CASD1: variants seen among roughly 807,000 people sequenced by gnomAD.
The protein encoded by CASD1 is N-acetylneuraminate (7)9-O-acetyltransferase.
In CASD1, 41 loss-of-function variants were observed where a neutral mutation model predicts 100.0. That is an observed-to-expected ratio of 0.41 (90% CI 0.32 to 0.53). The LOEUF (loss-of-function observed/expected upper bound fraction) is 0.53, where lower values mean the gene tolerates loss of function less well. Ranked by LOEUF, CASD1 falls within the 20% of genes least tolerant of loss-of-function variation. CASD1 has a pLI of 0.25. For synonymous variants in CASD1, 321 were observed against 315.6 expected (o/e 1.02, Z -0.18); for missense variants, 774 against 948.7 (o/e 0.82, Z 2.42).
chr7:94,611,429 G>A, the CASD1 span, among the ~76,000 whole-genome samples: 2 of 149,118 alleles, frequency 1.3e-5, no homozygotes, highest in African/African-American at 4.9e-5. Flanking sequence ...TATACAAAAT[G>A]TCCAGAATAG....
intron 5 of CASD1, among the ~76,000 whole-genome samples, chr7:94,531,796 GTAT>G (rs1291102611): frequency 6.6e-6 from 1 of 151,976 alleles, no homozygotes; most frequent in Non-Finnish European, 1.5e-5. Flanking sequence ...TTTCTTGTGT[GTAT>G]GATTGCAATA....
At chr7:94,516,232 C>T (rs190823609) in intron 1 of CASD1, among the ~76,000 whole-genome samples, 81 of 152,058 alleles carry the variant, frequency 5.3e-4, no homozygotes, top group African/African-American at 1.8e-3. Context: ...TAACCAGTTT[C>T]CCATCAATAA....
chr7:94,611,289 A>T, the CASD1 span, among the ~76,000 whole-genome samples: 3 of 152,232 alleles, frequency 2.0e-5, no homozygotes, highest in African/African-American at 7.2e-5. Context: ...TGGCATATCC[A>T]TAAAATAGAA....
At position 94,556,588 on chromosome 7, in the gene CASD1, C is replaced by T. The variant is rs1796213218; in HGVS notation, c.*830C>T. The stretch of plus-strand genomic sequence containing the variant: ...CTAATTAATTTTCGTATATTATTTC[C>T]AATATTTGGAAAGCTCTTTATAGCC... On this transcript the variant is annotated 3_prime_UTR_variant, in exon 18 of 18. Coordinates refer to ENST00000297273, the MANE Select transcript of CASD1 (RefSeq NM_022900.5). 1 of 151,796 alleles carries T rather than the reference C, an allele frequency of 6.6e-6. No homozygotes were observed. Among genetic ancestry groups the T allele is most frequent in the Admixed American group, 6.6e-5 (1 of 15,216 alleles). 9.4% of individuals were successfully genotyped at this position (151,796 alleles called of 1,614,324 possible).
chr7:94,599,494 G>T, the CASD1 span: 3 of 580,288 alleles, frequency 5.2e-6, no homozygotes, highest in Non-Finnish European at 9.2e-6. Context: ...TTTTATCTGT[G>T]TAATCTTAGT....
intron 3 of CASD1, among the ~76,000 whole-genome samples, chr7:94,521,958 A>G (rs546202502): frequency 1.6e-4 from 25 of 152,086 alleles, no homozygotes; most frequent in Non-Finnish European, 2.8e-4. Flanking sequence ...GATGGTGGGC[A>G]CCTGTAGTCC....
At chr7:94,625,555 T>G in the CASD1 span, 2 of 152,116 alleles carry the variant, frequency 1.3e-5, no homozygotes, top group Non-Finnish European at 2.9e-5. Context: ...GATCCATTCA[T>G]TTAAAATACA....
At chr7:94,510,481 G>A (rs1374095950) in intron 1 of CASD1, among the ~76,000 whole-genome samples, 1 of 152,188 alleles carries the variant, frequency 6.6e-6, no homozygotes, top group Non-Finnish European at 1.5e-5. Flanking sequence ...CGCCAACCCT[G>A]GACCTGGCCA....
Position 94,554,460 on chromosome 7 carries a change from TTGCTTTTG to T in CASD1, c.2035-15_2035-8del. 1.4e-6 allele frequency: 2 copies of T among 1,443,006 alleles called. No individual in the cohort carries two copies. The highest frequency in any genetic ancestry group is 1.9e-6 in the Non-Finnish European group (2 of 1,033,682). The allele number at this position is 1,443,006 out of a possible 1,614,324, so 89.4% of individuals were successfully genotyped here. On this transcript the variant is annotated splice_polypyrimidine_tract_variant and intron_variant, in intron 16 of 17. Coordinates refer to ENST00000297273, the MANE Select transcript of CASD1 (RefSeq NM_022900.5). ...TTTTCAATAAAGAGATTATTAATATTTGCTTTTGTGCTTTTTCTTTAGATTTTAGCCTT... is the reference window on the plus strand; with the variant it reads ...TTTTCAATAAAGAGATTATTAATATTTGCTTTTTCTTTAGATTTTAGCCTT...
rs749423781 is a variant in CASD1 at position 94,549,547 on chromosome 7, G to T, written c.1728G>T (p.Lys576Asn). ...FLAYSQGAFEKIFSLWPLSKC... is the reference protein window; with the variant it reads ...FLAYSQGAFENIFSLWPLSKC... ...CCTTTTTTCAGGGTGCATTTGAGAA[G>T]ATCTTTTCTCTTTGGCCATTGTCCA... Residue 576 changes from lysine to asparagine, a missense_variant, in exon 14 of 18, where the codon AAG becomes AAT. By Grantham distance (94) the Lys-to-Asn change is moderately conservative. Around this residue, in one of 5 missense-constraint regions of CASD1, gnomAD observed 453 missense variants for 532.6 expected, o/e 0.85. Transcript: ENST00000297273. The T allele has an allele frequency of 7.4e-5, 119 of 1,608,594 alleles. No homozygotes were observed. The highest frequency in any genetic ancestry group is 9.9e-5 in the Non-Finnish European group (116 of 1,177,586).
chr7:94,601,479 A>G, the CASD1 span, among the ~76,000 whole-genome samples: 15 of 146,326 alleles, frequency 1.0e-4, no homozygotes, highest in Non-Finnish European at 6.0e-5. Context: ...AAAAAAAACT[A>G]CAACAGTTGC....
chr7:94,568,983 A>T, the CASD1 span, among the ~76,000 whole-genome samples: 1 of 152,180 alleles, frequency 6.6e-6, no homozygotes, highest in Non-Finnish European at 1.5e-5. Flanking sequence ...GCCCAAATGG[A>T]CTAAGAGGGG....
At chr7:94,617,150 C>G in the CASD1 span, 1 of 152,116 alleles carries the variant, frequency 6.6e-6, no homozygotes, top group Admixed American at 6.5e-5. Flanking sequence ...GAATCAGTCT[C>G]TAGGGGGAAC....
At chr7:94,577,601 G>A in the CASD1 span, among the ~76,000 whole-genome samples, 2 of 152,050 alleles carry the variant, frequency 1.3e-5, no homozygotes, top group African/African-American at 2.4e-5. Flanking sequence ...CAGTCACACA[G>A]CCCTACACAT....
At chr7:94,587,549 A>T in the CASD1 span, 1 of 1,318,544 alleles carries the variant, frequency 7.6e-7, no homozygotes, top group Non-Finnish European at 9.6e-7. Context: ...TAGTGGTAGT[A>T]GGGATTCATT....
At chr7:94,581,591 CATT>C in the CASD1 span, among the ~76,000 whole-genome samples, 1 of 152,124 alleles carries the variant, frequency 6.6e-6, no homozygotes, top group Admixed American at 6.6e-5. Flanking sequence ...CGTGTGTTCT[CATT>C]ATTTAGCTCT....
chr7:94,563,791 TA>T, the CASD1 span, among the ~76,000 whole-genome samples: 1 of 151,808 alleles, frequency 6.6e-6, no homozygotes, highest in Admixed American at 6.6e-5. Flanking sequence ...TACTAGGCAC[TA>T]GGAGCTTCTT....
At chr7:94,598,876 C>G in the CASD1 span, 1 of 1,613,418 alleles carries the variant, frequency 6.2e-7, no homozygotes, top group South Asian at 1.1e-5. Context: ...GAAGCGTTGA[C>G]AGGGGCCATG....
the CASD1 span, among the ~76,000 whole-genome samples, chr7:94,615,417 GATAGATA>G: frequency 2.4e-5 from 3 of 127,652 alleles, no homozygotes; most frequent in African/African-American, 8.5e-5. Flanking sequence ...TAGATAGATA[GATAGATA>G]AAGGGCAATT....
Sources: gnomAD v4.1 joint callset for allele counts (sites outside exome capture counted in the v4.1 genomes callset) on GRCh38, gnomAD v4.1.1 for gene constraint, gnomAD v4.1.1 regional missense constraint, MANE v1.5 for transcripts, NCBI Gene and HGNC (gene_info 2026-07-23, HGNC 2026-07-21) for gene names.